The following SLC9A9 variants were observed in gnomAD, a reference collection of about 807,000 sequenced individuals.
SLC9A9 encodes sodium/hydrogen exchanger 9.
In SLC9A9, 62 loss-of-function variants were observed where a neutral mutation model predicts 77.8. The ratio of observed to expected loss-of-function variants is 0.80; its 90% CI spans 0.65 to 0.98. The LOEUF (loss-of-function observed/expected upper bound fraction) is 0.98. Ranked by LOEUF, SLC9A9 falls within the 50% of genes least tolerant of loss-of-function variation. The probability of loss-of-function intolerance (pLI) is 0.00; values close to 1 mark genes in which losing one functional copy is unlikely to be tolerated. For missense variants in SLC9A9, 775 were observed against 774.9 expected, an observed-to-expected ratio of 1.00 and a Z score of 0.00; for synonymous variants, 320 against 283.5, an observed-to-expected ratio of 1.13 and a Z score of -1.29.
chr3:143,270,067 G>A (rs1018161160), intron 14 of SLC9A9, among the ~76,000 whole-genome samples: 5 of 152,198 alleles, frequency 3.3e-5, no homozygotes, highest in African/African-American at 4.8e-5. Flanking sequence ...GCACCTGAAC[G>A]AAGCCTTGTT....
At chr3:143,646,471 T>G (rs984896716) in intron 6 of SLC9A9, among the ~76,000 whole-genome samples, 4 of 149,696 alleles carry the variant, frequency 2.7e-5, no homozygotes. Flanking sequence ...AATATAAATA[T>G]TATATATTAA....
At chr3:143,841,688 G>T (rs12497227) in intron 1 of SLC9A9, among the ~76,000 whole-genome samples, 116,704 of 152,056 alleles carry the variant, frequency 0.77, 51,335 homozygotes, top group South Asian at 0.96. Context: ...TTCATCTATA[G>T]CTTCTTTGAG....
chr3:143,300,199 T>G (rs1402639223), intron 14 of SLC9A9, among the ~76,000 whole-genome samples: 5 of 152,182 alleles, frequency 3.3e-5, no homozygotes, highest in African/African-American at 9.7e-5. Context: ...ATTTTAGCTG[T>G]TTCACCTAGG....
At chr3:143,796,988 C>T in intron 2 of SLC9A9, 85 bp from the exon 3 acceptor site, 1 of 1,101,682 alleles carries the variant, frequency 9.1e-7, no homozygotes, top group Non-Finnish European at 1.4e-6. Context: ...GTTGTAATTG[C>T]TTTTGCTAAG....
At chr3:143,533,013 C>T (rs988672513) in intron 9 of SLC9A9, among the ~76,000 whole-genome samples, 1 of 152,224 alleles carries the variant, frequency 6.6e-6, no homozygotes, top group Non-Finnish European at 1.5e-5. Flanking sequence ...AGAACTTAAT[C>T]CTGTGTTGTG....
intron 5 of SLC9A9, among the ~76,000 whole-genome samples, chr3:143,662,036 A>G (rs61645302): frequency 0.15 from 22,266 of 152,170 alleles, 2,388 homozygotes; most frequent in African/African-American, 0.31. Context: ...CTTTATGTTT[A>G]TATTTTTTAG....
intron 5 of SLC9A9, among the ~76,000 whole-genome samples, chr3:143,682,439 T>C (rs924018632): frequency 5.3e-5 from 8 of 152,196 alleles, no homozygotes; most frequent in Non-Finnish European, 1.0e-4. Context: ...TCTAAAAGCA[T>C]TGTGCATACA....
At chr3:143,639,988 C>T (rs990144590) in intron 6 of SLC9A9, among the ~76,000 whole-genome samples, 1 of 150,964 alleles carries the variant, frequency 6.6e-6, no homozygotes, top group African/African-American at 2.4e-5. Context: ...ATATTCTGGT[C>T]CCTGGGTCAG....
At chr3:143,699,136 C>A (rs1340490809) in intron 4 of SLC9A9, among the ~76,000 whole-genome samples, 1 of 152,084 alleles carries the variant, frequency 6.6e-6, no homozygotes, top group Non-Finnish European at 1.5e-5. Context: ...TGGGAAGTTC[C>A]CCTAGTGAAA....
At chr3:143,710,123 T>C (rs903230849) in intron 4 of SLC9A9, among the ~76,000 whole-genome samples, 2 of 152,238 alleles carry the variant, frequency 1.3e-5, no homozygotes. Flanking sequence ...TCAGAAGCTC[T>C]AACTGGCAGC....
At chr3:143,468,498 A>C (rs939246860) in intron 11 of SLC9A9, among the ~76,000 whole-genome samples, 2 of 152,230 alleles carry the variant, frequency 1.3e-5, no homozygotes, top group Non-Finnish European at 2.9e-5. Flanking sequence ...AATAAGCCTT[A>C]ACATTGGGTA....
chr3:143,734,742 A>G (rs1231754443), intron 4 of SLC9A9, among the ~76,000 whole-genome samples: 1 of 151,894 alleles, frequency 6.6e-6, no homozygotes, highest in Non-Finnish European at 1.5e-5. Flanking sequence ...CAAAAAAAAA[A>G]AAAAAAAAAA....
chr3:143,668,567 T>C (rs991698013), intron 5 of SLC9A9, among the ~76,000 whole-genome samples: 3 of 152,218 alleles, frequency 2.0e-5, no homozygotes, highest in Middle Eastern at 3.2e-3. Flanking sequence ...ACTTCCTTTT[T>C]TGAATAGAAC....
intron 11 of SLC9A9, 99 bp from the exon 12 acceptor site, chr3:143,467,289 T>C: frequency 3.8e-6 from 5 of 1,331,218 alleles, no homozygotes; most frequent in Non-Finnish European, 5.2e-6. Flanking sequence ...TTTTTTTAAA[T>C]TAATCTTTTT....
intron 5 of SLC9A9, among the ~76,000 whole-genome samples, chr3:143,656,670 C>T (rs536954683): frequency 6.6e-6 from 1 of 152,178 alleles, no homozygotes; most frequent in African/African-American, 2.4e-5. Context: ...CAACAACATA[C>T]AATAGTTCCT....
chr3:143,519,859 T>C (rs955820852), intron 9 of SLC9A9, among the ~76,000 whole-genome samples: 4 of 152,124 alleles, frequency 2.6e-5, no homozygotes, highest in South Asian at 2.1e-4. Context: ...CCTGAACAAA[T>C]AGAAGAATAG....
intron 4 of SLC9A9, among the ~76,000 whole-genome samples, chr3:143,705,581 T>A (rs969441675): frequency 6.6e-6 from 1 of 152,192 alleles, no homozygotes; most frequent in Non-Finnish European, 1.5e-5. Context: ...ATATACAGTA[T>A]GTATCTCCAA....
At chr3:143,714,686 C>G (rs759150743) in intron 4 of SLC9A9, among the ~76,000 whole-genome samples, 13 of 152,226 alleles carry the variant, frequency 8.5e-5, no homozygotes, top group Non-Finnish European at 1.6e-4. Flanking sequence ...ACCCTTTCCA[C>G]CAAAGCATGT....
At chr3:143,610,343 C>T (rs547747464) in intron 6 of SLC9A9, among the ~76,000 whole-genome samples, 6 of 152,178 alleles carry the variant, frequency 3.9e-5, no homozygotes, top group Admixed American at 6.5e-5. Context: ...GAAGGGGTTT[C>T]GCCATGTTGC....
Sources: gnomAD v4.1 joint callset for allele counts (sites outside exome capture counted in the v4.1 genomes callset) on GRCh38, gnomAD v4.1.1 for gene constraint, MANE v1.5 for transcripts, NCBI Gene and HGNC (gene_info 2026-07-23, HGNC 2026-07-21) for gene names.